NXPH2: variants seen among roughly 807,000 people sequenced by gnomAD.
The protein encoded by NXPH2 is neurexophilin-2.
NXPH2 carries 5 observed loss-of-function variants against 19.8 expected under a neutral mutation model. The ratio of observed to expected loss-of-function variants is 0.25; its 90% CI spans 0.13 to 0.53. The LOEUF is 0.53. NXPH2 is among the 20% of genes least tolerant of loss of function. NXPH2 has a pLI of 0.96. For synonymous variants in NXPH2, 154 were observed against 127.4 expected, an observed-to-expected ratio of 1.21 and a Z score of -1.41; for missense variants, 289 against 322.8, an observed-to-expected ratio of 0.90 and a Z score of 0.80.
intron 1 of NXPH2, among the ~76,000 whole-genome samples, chr2:138,765,769 GATAAACT>G (rs775285931): frequency 6.6e-6 from 1 of 152,168 alleles, no homozygotes; most frequent in Non-Finnish European, 1.5e-5. Flanking sequence ...CTGGGTTTGT[GATAAACT>G]CTTTGAAGAG....
intron 1 of NXPH2, among the ~76,000 whole-genome samples, chr2:138,685,377 C>A (rs1200108363): frequency 6.6e-6 from 1 of 152,180 alleles, no homozygotes; most frequent in Non-Finnish European, 1.5e-5. Context: ...TAGATATGCT[C>A]ATGTGTAAAT....
intron 1 of NXPH2, among the ~76,000 whole-genome samples, chr2:138,696,777 T>G (rs774611039): frequency 6.6e-6 from 1 of 152,196 alleles, no homozygotes; most frequent in Non-Finnish European, 1.5e-5. Flanking sequence ...TGAGTACATA[T>G]GTCTAAGCAA....
chr2:138,749,918 T>C (rs1558928888), intron 1 of NXPH2, among the ~76,000 whole-genome samples: 1 of 152,138 alleles, frequency 6.6e-6, no homozygotes, highest in Non-Finnish European at 1.5e-5. Flanking sequence ...TTTTGTTTCA[T>C]CATTTCAAAT....
chr2:138,683,510 G>A (rs1680606986), intron 1 of NXPH2, among the ~76,000 whole-genome samples: 2 of 152,160 alleles, frequency 1.3e-5, no homozygotes, highest in African/African-American at 4.8e-5. Context: ...GAAGACACAC[G>A]CGGTGTGGGT....
chr2:138,728,742 T>C (rs1573968878), intron 1 of NXPH2, among the ~76,000 whole-genome samples: 2 of 152,222 alleles, frequency 1.3e-5, no homozygotes, highest in East Asian at 3.8e-4. Flanking sequence ...TTTGACATTA[T>C]GTAGACAGCA....
intron 1 of NXPH2, among the ~76,000 whole-genome samples, chr2:138,696,250 A>G (rs1446409766): frequency 6.6e-6 from 1 of 152,174 alleles, no homozygotes; most frequent in African/African-American, 2.4e-5. Context: ...TAAGTGAAAA[A>G]TGATGTTCTG....
At chr2:138,778,332 G>T (rs1403542715) in intron 1 of NXPH2, among the ~76,000 whole-genome samples, 1 of 152,138 alleles carries the variant, frequency 6.6e-6, no homozygotes, top group African/African-American at 2.4e-5. Context: ...ATTAGAATTT[G>T]ACATAAGCTT....
intron 1 of NXPH2, among the ~76,000 whole-genome samples, chr2:138,727,959 A>G (rs554056290): frequency 6.6e-6 from 1 of 152,278 alleles, no homozygotes; most frequent in East Asian, 1.9e-4. Context: ...CAGGGTACCA[A>G]TCCTGGCTCC....
intron 1 of NXPH2, among the ~76,000 whole-genome samples, chr2:138,730,677 T>G (rs1046475619): frequency 6.6e-6 from 1 of 152,176 alleles, no homozygotes; most frequent in African/African-American, 2.4e-5. Flanking sequence ...TGATCAAAGT[T>G]CTAATAACTC....
At chr2:138,744,880 T>A (rs776218660) in intron 1 of NXPH2, among the ~76,000 whole-genome samples, 3 of 152,180 alleles carry the variant, frequency 2.0e-5, no homozygotes, top group African/African-American at 7.2e-5. Flanking sequence ...CCCATCTCCA[T>A]GCCCACATGC....
chr2:138,730,515 C>G (rs2104999327), intron 1 of NXPH2, among the ~76,000 whole-genome samples: 1 of 152,222 alleles, frequency 6.6e-6, no homozygotes, highest in East Asian at 1.9e-4. Flanking sequence ...CTTGTTTACT[C>G]TTGAGGCCCT....
At chr2:138,703,516 T>G (rs749233649) in intron 1 of NXPH2, among the ~76,000 whole-genome samples, 8 of 151,948 alleles carry the variant, frequency 5.3e-5, no homozygotes, top group Admixed American at 2.6e-4. Context: ...ATCCTGGGGG[T>G]CATTATCCAG....
At chr2:138,723,848 C>A (rs1400965679) in intron 1 of NXPH2, among the ~76,000 whole-genome samples, 1 of 152,042 alleles carries the variant, frequency 6.6e-6, no homozygotes, top group African/African-American at 2.4e-5. Context: ...TTCCTCCCAG[C>A]ACATTTTCCA....
chr2:138,692,010 T>C (rs1680753684), intron 1 of NXPH2, among the ~76,000 whole-genome samples: 2 of 152,206 alleles, frequency 1.3e-5, no homozygotes. Context: ...TGTGTAACTC[T>C]ATGAAGTGAG....
chr2:138,751,203 G>A (rs898795038), intron 1 of NXPH2, among the ~76,000 whole-genome samples: 2 of 152,010 alleles, frequency 1.3e-5, no homozygotes, highest in East Asian at 3.9e-4. Flanking sequence ...GAAGGTACTT[G>A]GCAAAAACAT....
At chr2:138,696,954 TA>T (rs2104979527) in intron 1 of NXPH2, among the ~76,000 whole-genome samples, 1 of 152,068 alleles carries the variant, frequency 6.6e-6, no homozygotes, top group East Asian at 1.9e-4. Context: ...ACCTATCAGA[TA>T]AAAAAGTAAT....
chr2:138,669,693 C>T lies in NXPH2; in HGVS notation c.*1229G>A, dbSNP rs562985004. Among the ~76,000 whole-genome samples, 1 of 152,114 alleles carries T rather than the reference C, an allele frequency of 6.6e-6. No homozygotes were observed. The highest frequency in any genetic ancestry group is 2.4e-5 in the African/African-American group (1 of 41,424). On this transcript the variant is annotated 3_prime_UTR_variant, in exon 2 of 2. Coordinates refer to ENST00000272641, the MANE Select transcript of NXPH2 (RefSeq NM_007226.3). ...GAAGCCTTTTTCTTGGCCAACCAGA[C>T]CCCTGTTTCTGTTCTAATTTAATGA...
intron 1 of NXPH2, among the ~76,000 whole-genome samples, chr2:138,691,669 G>A (rs1266808815): frequency 6.6e-6 from 1 of 152,168 alleles, no homozygotes; most frequent in Non-Finnish European, 1.5e-5. Context: ...GGTAAGAAGT[G>A]TAATCACTTT....
At chr2:138,709,771 T>C (rs1681069019) in intron 1 of NXPH2, among the ~76,000 whole-genome samples, 2 of 152,240 alleles carry the variant, frequency 1.3e-5, no homozygotes, top group Admixed American at 1.3e-4. Flanking sequence ...GTAAGTACTA[T>C]TTTCAGATCA....
Sources: allele counts gnomAD v4.1 joint callset (sites outside exome capture counted in the v4.1 genomes callset), GRCh38; gene constraint gnomAD v4.1.1; transcripts MANE v1.5; gene names NCBI Gene and HGNC (gene_info 2026-07-23, HGNC 2026-07-21).